Variants in DENND4A observed in about 807,000 individuals in gnomAD.
The protein encoded by DENND4A is DENN domain containing 4A, also known as C-myc promoter-binding protein.
In DENND4A, 70 loss-of-function variants were observed where a neutral mutation model predicts 199.3. The ratio of observed to expected loss-of-function variants is 0.35; its 90% CI spans 0.29 to 0.43. DENND4A has a LOEUF of 0.43. Among genes scored for constraint, DENND4A ranks in the 20% least tolerant of loss-of-function variants. DENND4A has a pLI of 1.00. For synonymous variants in DENND4A, 686 were observed against 766.9 expected (o/e 0.89, Z 1.74); for missense variants, 1,723 against 2,255.8 (o/e 0.76, Z 4.78).
At chr15:65,775,547 A>C (rs1441957954) in intron 1 of DENND4A, among the ~76,000 whole-genome samples, 4 of 145,186 alleles carry the variant, frequency 2.8e-5, no homozygotes, top group African/African-American at 7.7e-5. Context: ...AGGCTAAGAC[A>C]GGAGAATCAC....
rs1010400622 is a variant in DENND4A, at chr15:65,660,041, C to T, written c.*1810G>A. On this transcript the variant is annotated 3_prime_UTR_variant, in exon 33 of 33. Coordinates refer to ENST00000443035, the MANE Select transcript of DENND4A (RefSeq NM_001320835.1). ...CTTGGAGGGATGTTTATCACCAGTGCCAAAAGCCTCCCCCCTCTGAAATGT... is the reference window on the plus strand; with the variant it reads ...CTTGGAGGGATGTTTATCACCAGTGTCAAAAGCCTCCCCCCTCTGAAATGT... 6.9e-6 allele frequency: 3 copies of T among 434,672 alleles called. No individual in the cohort carries two copies. Among genetic ancestry groups the T allele is most frequent in the Non-Finnish European group, 1.2e-5 (3 of 243,724 alleles). The allele number at this position is 434,672 out of a possible 1,614,324, so 26.9% of individuals were successfully genotyped here.
At chr15:65,684,221 T>C (rs1384220118) in intron 23 of DENND4A, among the ~76,000 whole-genome samples, 1 of 152,228 alleles carries the variant, frequency 6.6e-6, no homozygotes, top group African/African-American at 2.4e-5. Context: ...TCATTTCTCT[T>C]GGGTAGATTA....
chr15:65,738,543 A>C (rs1258025226), intron 6 of DENND4A, among the ~76,000 whole-genome samples, 163 bp downstream of exon 6: 3 of 152,198 alleles, frequency 2.0e-5, no homozygotes, highest in African/African-American at 7.2e-5. Flanking sequence ...GACAGAATAA[A>C]AATTCTCTTT....
chr15:65,700,305 T>C (rs1047179220), intron 20 of DENND4A, among the ~76,000 whole-genome samples: 2 of 152,114 alleles, frequency 1.3e-5, no homozygotes, highest in East Asian at 1.9e-4. Flanking sequence ...GATTATCATA[T>C]ACTAAATACT....
At chr15:65,673,857 T>G (rs1408170698) in intron 24 of DENND4A, among the ~76,000 whole-genome samples, 2 of 152,196 alleles carry the variant, frequency 1.3e-5, no homozygotes, top group Non-Finnish European at 2.9e-5. Context: ...TAGCCTTGAG[T>G]ATCATTTATT....
intron 3 of DENND4A, among the ~76,000 whole-genome samples, chr15:65,753,485 A>G (rs550370442): frequency 6.6e-6 from 1 of 152,088 alleles, no homozygotes. Flanking sequence ...CAGCCTCCCG[A>G]GTAGCTGGGA....
At chr15:65,667,316 G>T in intron 29 of DENND4A, 133 bp downstream of exon 29, 1 of 1,111,626 alleles carries the variant, frequency 9.0e-7, no homozygotes, top group Non-Finnish European at 1.2e-6. Flanking sequence ...GCGAAAGAGT[G>T]AGACTACGTC....
chr15:65,782,422 T>A (rs2140974724), intron 1 of DENND4A, among the ~76,000 whole-genome samples: 1 of 152,320 alleles, frequency 6.6e-6, no homozygotes, highest in East Asian at 1.9e-4. Flanking sequence ...CCTGTTTTAC[T>A]TCCTTCATTA....
chr15:65,775,637 C>CAAAAAA (rs59714693), intron 1 of DENND4A, among the ~76,000 whole-genome samples: 1 of 27,684 alleles, frequency 3.6e-5, no homozygotes, highest in African/African-American at 1.3e-4. Context: ...CAAGACTCCT[C>CAAAAAA]AAAAAAAAAA....
In DENND4A at chr15:65,690,794, G is replaced by A. The variant is rs1414683201; in HGVS notation, c.3800C>T (p.Thr1267Ile). 6.2e-7 allele frequency: 1 copy of A among 1,613,344 alleles called. No individual in the cohort carries two copies. The highest frequency in any genetic ancestry group is 8.5e-7 in the Non-Finnish European group (1 of 1,179,748). Residue 1267 changes from threonine to isoleucine, a missense_variant, in exon 23 of 33, where the codon ACA becomes ATA. Physicochemically the swap from Thr to Ile is moderately conservative, Grantham distance 89 (BLOSUM62 -1). This residue lies in a region of DENND4A where 650 missense variants were observed against 738.1 expected (regional missense o/e 0.88). Transcript: ENST00000443035. ...TGCCCGTTGTAAATCAATGCTTGGTGTACGACTTGTCAAAGGACTGCTCAT... is the reference window on the plus strand; with the variant it reads ...TGCCCGTTGTAAATCAATGCTTGGTATACGACTTGTCAAAGGACTGCTCAT... Reference protein sequence around the residue: ...NNMSSPLTSRTPSIDLQRACD... With the variant: ...NNMSSPLTSRIPSIDLQRACD...
At position 65,729,111 on chromosome 15, in the gene DENND4A, T is replaced by A; in HGVS notation, c.1448A>T (p.Asp483Val). The A allele has an allele frequency of 6.3e-7, 1 of 1,593,276 alleles. No individual in the cohort carries two copies. The highest frequency in any genetic ancestry group is 8.6e-7 in the Non-Finnish European group (1 of 1,168,664). The part of the protein sequence containing the change: ...RYFDLYDPPP[D>V]VSCVDVDTNT... Reference sequence around the variant, plus strand: ...GGTATCTACATCAACACAACTGACATCTGGTGGAGGATCATAGAGATCAAA... The same window carrying A: ...GGTATCTACATCAACACAACTGACAACTGGTGGAGGATCATAGAGATCAAA... Residue 483 changes from aspartate to valine, a missense_variant, in exon 11 of 33, where the codon GAT becomes GTT. Transcript: ENST00000443035.
intron 12 of DENND4A, among the ~76,000 whole-genome samples, chr15:65,720,228 A>G (rs2075568733): frequency 1.3e-5 from 2 of 152,182 alleles, no homozygotes; most frequent in South Asian, 4.1e-4. Flanking sequence ...GGTAGGAAAT[A>G]CATTCTATTC....
chr15:65,734,821 G>A (rs1033365345), intron 7 of DENND4A, among the ~76,000 whole-genome samples: 4 of 152,132 alleles, frequency 2.6e-5, no homozygotes, highest in East Asian at 1.9e-4. Context: ...TTGGCCAGGC[G>A]CGGTAATCCC....
Position 65,667,625 on chromosome 15 carries a change from T to C in DENND4A, c.5065A>G (p.Lys1689Glu). The change falls in exon 29 of 33, where the codon AAA becomes GAA. Residue 1689 changes from lysine (K) to glutamate (E), a missense_variant. Lys to Glu is a moderately conservative substitution (Grantham distance 56). Coordinates refer to ENST00000443035, the MANE Select transcript of DENND4A (RefSeq NM_001320835.1). ...VPYLSPLVVW[K>E]ELESLLENEG... ...TTTTCCAATAAGCTTTCAAGTTCTTTCCATACCACTAAAGGACTAAGATAC... is the reference window on the plus strand; with the variant it reads ...TTTTCCAATAAGCTTTCAAGTTCTTCCCATACCACTAAAGGACTAAGATAC... The C allele has an allele frequency of 6.2e-7, 1 of 1,614,018 alleles. No individual in the cohort carries two copies. The highest frequency in any genetic ancestry group is 8.5e-7 in the Non-Finnish European group (1 of 1,179,896).
intron 4 of DENND4A, among the ~76,000 whole-genome samples, chr15:65,746,369 C>CTT (rs573935476): frequency 0.052 from 2,663 of 51,580 alleles, 180 homozygotes; most frequent in Non-Finnish European, 0.074. Flanking sequence ...ACTTTTTTCT[C>CTT]TTTTTTTTTT....
intron 4 of DENND4A, among the ~76,000 whole-genome samples, chr15:65,747,937 G>A (rs1288943752): frequency 6.6e-6 from 1 of 150,886 alleles, no homozygotes; most frequent in Admixed American, 6.6e-5. Flanking sequence ...CTACTCAGGA[G>A]GCTGAGGCAG....
At chr15:65,739,181 C>G (rs963037643) in intron 5 of DENND4A, among the ~76,000 whole-genome samples, 2 of 152,190 alleles carry the variant, frequency 1.3e-5, no homozygotes, top group African/African-American at 4.8e-5. Context: ...CTTGTGGTCA[C>G]ACTACCTTAG....
Position 65,756,161 on chromosome 15 carries a change from T to G in DENND4A, c.290A>C (p.Lys97Thr). Residue 97 changes from lysine to threonine, a missense_variant, in exon 3 of 33, where the codon AAG (lysine) becomes ACG (threonine). Lys to Thr is a moderately conservative substitution (Grantham distance 78). Coordinates refer to ENST00000443035, the MANE Select transcript of DENND4A (RefSeq NM_001320835.1). ...IYLCYRRGRD[K>T]PPLTDLGVLY... ...TTACCCCAGATCTGTAAGTGGAGGC[T>G]TATCTCTTCCTCTTCTATAGCAAAG... The G allele has an allele frequency of 6.2e-7, 1 of 1,609,118 alleles. No homozygotes were observed.
Position 65,665,469 on chromosome 15 carries a change from T to C in DENND4A, c.5242-7A>G. On this transcript the variant is annotated splice_polypyrimidine_tract_variant and splice_region_variant and intron_variant, in intron 29 of 32. Transcript: ENST00000443035. ...ACATACAGTGGCGGGGAATCTGTGT[T>C]ATACAATAAACATTCATTAATGATC... 1.9e-6 allele frequency: 3 copies of C among 1,590,648 alleles called. No homozygotes were observed. Among genetic ancestry groups the C allele is most frequent in the Non-Finnish European group, 2.6e-6 (3 of 1,164,150 alleles).
Sources: allele counts gnomAD v4.1 joint callset (sites outside exome capture counted in the v4.1 genomes callset), GRCh38; gene constraint gnomAD v4.1.1; regional missense constraint gnomAD v4.1.1; transcripts MANE v1.5; gene names NCBI Gene and HGNC (gene_info 2026-07-23, HGNC 2026-07-21).